Variants in ZNF385D observed in about 807,000 individuals in gnomAD.
The protein encoded by ZNF385D is zinc finger protein 659.
In ZNF385D, 15 loss-of-function variants were observed where a neutral mutation model predicts 35.8. That is an observed-to-expected ratio of 0.42 (90% CI 0.28 to 0.64). The LOEUF (loss-of-function observed/expected upper bound fraction) is 0.64, where lower values mean the gene tolerates loss of function less well. Among genes scored for constraint, ZNF385D ranks in the 30% least tolerant of loss-of-function variants. ZNF385D has a pLI of 0.23. For synonymous variants in ZNF385D, 212 were observed against 186.8 expected, an observed-to-expected ratio of 1.13 and a Z score of -1.10; for missense variants, 474 against 494.6, an observed-to-expected ratio of 0.96 and a Z score of 0.39.
intron 3 of ZNF385D, chr3:21,561,828 A>G (rs1471864780): frequency 1.2e-4 from 2 of 17,260 alleles, no homozygotes; most frequent in Admixed American, 1.2e-3. Context: ...TCACCATAAC[A>G]GATATAGTAA....
At position 21,564,569 on chromosome 3, in the gene ZNF385D, C is replaced by A; in HGVS notation, c.276+5G>T. 2.0e-6 allele frequency: 3 copies of A among 1,502,060 alleles called. No homozygotes were observed. Among genetic ancestry groups the A allele is most frequent in the South Asian group, 1.3e-5 (1 of 74,538 alleles). The allele number at this position is 1,502,060 out of a possible 1,614,324, so 93.0% of individuals were successfully genotyped here. On this transcript the variant is annotated splice_donor_5th_base_variant and intron_variant, in intron 3 of 7. Coordinates refer to ENST00000281523, the MANE Select transcript of ZNF385D (RefSeq NM_024697.3). ...TTTTAAGTGAACACTAAATGATAAA[C>A]TTACATCAGAATTAAATCTCAACTG...
At position 21,848,154 on chromosome 3, in the gene ZNF385D, T is replaced by C. The variant is rs186588141; in HGVS notation, c.326-183126A>G. ...GCATAATATCCTCAAAGCTCATCCA[T>C]GATGTAGAATATTGCAGGATTTCCT... On this transcript the variant is annotated intron_variant, in intron 3 of 5. Transcript: ENST00000494108. 1.4e-4 allele frequency among the ~76,000 whole-genome samples: 21 copies of C among 152,144 alleles called. No individual in the cohort carries two copies. In the East Asian group the frequency reaches 4.1e-3, roughly 29 times the overall value.
chr3:21,848,401 AAGATT>A (rs1696153594), intron 3 of ZNF385D, among the ~76,000 whole-genome samples: 2 of 152,002 alleles, frequency 1.3e-5, no homozygotes, highest in African/African-American at 4.8e-5. Flanking sequence ...GGAAATAATA[AAGATT>A]AGAAGAATAA....
Position 21,633,096 on chromosome 3 carries a change from T to A in ZNF385D, c.165+31790A>T, listed in dbSNP as rs142434296. On this transcript the variant is annotated intron_variant, in intron 2 of 7. Transcript: ENST00000281523. ...TATTCTAGAGATTTAACAGAAAAAA[T>A]TATCATTTTTTTAGCTATCATAATC... 4.7e-3 allele frequency among the ~76,000 whole-genome samples: 721 copies of A among 152,096 alleles called. 6 individuals are homozygous for A. Among genetic ancestry groups the A allele is most frequent in the African/African-American group, 0.015 (621 of 41,514 alleles).
intron 3 of ZNF385D, among the ~76,000 whole-genome samples, chr3:22,131,788 A>G (rs530465187): frequency 3.9e-5 from 6 of 152,162 alleles, no homozygotes; most frequent in African/African-American, 7.2e-5. Flanking sequence ...TCCTGAGAAT[A>G]CAGATGAGAG....
At chr3:21,901,030 C>G (rs908798429) in intron 3 of ZNF385D, among the ~76,000 whole-genome samples, 1 of 152,274 alleles carries the variant, frequency 6.6e-6, no homozygotes, top group South Asian at 2.1e-4. Flanking sequence ...TGGTATTGCC[C>G]TTGGATGATG....
intron 3 of ZNF385D, among the ~76,000 whole-genome samples, chr3:21,958,510 G>C (rs1702407195): frequency 6.6e-6 from 1 of 151,906 alleles, no homozygotes; most frequent in Non-Finnish European, 1.5e-5. Context: ...TAATGAATAG[G>C]GGCTCTTATT....
intron 3 of ZNF385D, among the ~76,000 whole-genome samples, chr3:22,119,804 G>A (rs1051566531): frequency 1.3e-5 from 2 of 151,464 alleles, no homozygotes; most frequent in Non-Finnish European, 2.9e-5. Flanking sequence ...TTTTACTAGT[G>A]AGTATTTATT....
At chr3:22,159,781 T>C (rs11924048) in intron 3 of ZNF385D, among the ~76,000 whole-genome samples, 1 of 152,142 alleles carries the variant, frequency 6.6e-6, no homozygotes, top group African/African-American at 2.4e-5. Flanking sequence ...ATACAGTGTC[T>C]TATTATATAT....
chr3:22,154,003 T>A (rs946160797), intron 3 of ZNF385D, among the ~76,000 whole-genome samples: 2 of 152,140 alleles, frequency 1.3e-5, no homozygotes, highest in Non-Finnish European at 2.9e-5. Flanking sequence ...AGTTTTAGCA[T>A]CCAGTCCTTT....
At chr3:22,066,061 A>G (rs1699932828) in intron 3 of ZNF385D, among the ~76,000 whole-genome samples, 1 of 152,172 alleles carries the variant, frequency 6.6e-6, no homozygotes. Context: ...GAGCTGTTGT[A>G]TCTTCCAGAG....
At chr3:21,907,513 T>G (rs1699741241) in intron 3 of ZNF385D, among the ~76,000 whole-genome samples, 1 of 152,136 alleles carries the variant, frequency 6.6e-6, no homozygotes, top group South Asian at 2.1e-4. Context: ...TGGTTGGAAT[T>G]CAGGTATTTC....
At chr3:22,001,290 G>A (rs1695828138) in intron 3 of ZNF385D, among the ~76,000 whole-genome samples, 2 of 150,164 alleles carry the variant, frequency 1.3e-5, no homozygotes, top group Admixed American at 6.6e-5. Flanking sequence ...GTGAAGAGAT[G>A]GAAAAAGATA....
chr3:22,192,639 T>C (rs953695868), intron 2 of ZNF385D, among the ~76,000 whole-genome samples: 1 of 152,150 alleles, frequency 6.6e-6, no homozygotes, highest in Non-Finnish European at 1.5e-5. Flanking sequence ...AAGAGATTAT[T>C]GATGTCATGG....
intron 1 of ZNF385D, among the ~76,000 whole-genome samples, chr3:21,746,305 G>T (rs1206025786): frequency 6.6e-6 from 1 of 152,122 alleles, no homozygotes; most frequent in East Asian, 1.9e-4. Flanking sequence ...AACTGTGGAG[G>T]TCCTTTTAAA....
At chr3:21,699,854 A>G (rs1490089447) in intron 1 of ZNF385D, among the ~76,000 whole-genome samples, 1 of 127,798 alleles carries the variant, frequency 7.8e-6, no homozygotes, top group East Asian at 2.1e-4. Context: ...TTTTTGAGAC[A>G]AGAGTCTTGC....
At chr3:21,776,256 T>C (rs2071282699) in intron 3 of ZNF385D, among the ~76,000 whole-genome samples, 1 of 151,974 alleles carries the variant, frequency 6.6e-6, no homozygotes, top group Non-Finnish European at 1.5e-5. Context: ...TGCTTATTAC[T>C]TATTGTTTCC....
At chr3:21,643,005 C>A (rs777226344) in intron 2 of ZNF385D, among the ~76,000 whole-genome samples, 1 of 151,654 alleles carries the variant, frequency 6.6e-6, no homozygotes, top group Non-Finnish European at 1.5e-5. Context: ...AGACAGATGG[C>A]GGTGACGAAT....
At position 22,317,244 on chromosome 3, in the gene ZNF385D, A is replaced by C. The variant is rs1351588602; in HGVS notation, c.106+55206T>G. 2.4e-5 allele frequency among the ~76,000 whole-genome samples: 3 copies of C among 123,300 alleles called. No individual in the cohort carries two copies. The East Asian group carries it at 8.3e-4, about 34-fold the overall frequency. The allele number at this position is 123,300 out of a possible 152,430, so 80.9% of individuals were successfully genotyped here. ...GTGAGCCAAGATCGCGCTATTGCAC[A>C]CTCCAGCCTGGGAAACAAGAGTGAA... On this transcript the variant is annotated intron_variant, in intron 2 of 5. Coordinates refer to the ZNF385D transcript ENST00000494108.
Sources: gnomAD v4.1 joint callset for allele counts (sites outside exome capture counted in the v4.1 genomes callset) on GRCh38, gnomAD v4.1.1 for gene constraint, MANE v1.5 for transcripts, NCBI Gene and HGNC (gene_info 2026-07-23, HGNC 2026-07-21) for gene names.